The following SPARCL1 variants were observed in gnomAD, a reference collection of about 807,000 sequenced individuals.
SPARCL1 encodes SPARC like 1, also known as SPARC-like protein 1.
Under a neutral mutation model 67.1 loss-of-function variants are expected in SPARCL1, and 52 were observed. The observed-to-expected ratio is 0.78, with a 90% CI of 0.62 to 0.98. SPARCL1 has a LOEUF of 0.98. Ranked by LOEUF, SPARCL1 falls within the 50% of genes least tolerant of loss-of-function variation. SPARCL1 has a pLI of 0.00. For synonymous variants in SPARCL1, 226 were observed against 267.8 expected, an observed-to-expected ratio of 0.84 and a Z score of 1.52; for missense variants, 717 against 782.4, an observed-to-expected ratio of 0.92 and a Z score of 1.00.
intron 2 of SPARCL1, among the ~76,000 whole-genome samples, chr4:87,496,417 C>G (rs1162661696): frequency 6.6e-6 from 1 of 151,934 alleles, no homozygotes; most frequent in African/African-American, 2.4e-5. Flanking sequence ...TGGAGTTTCA[C>G]CATGTTGCCC....
chr4:87,479,630 T>G, intron 9 of SPARCL1, 52 bp from the exon 10 acceptor site: 1 of 1,579,888 alleles, frequency 6.3e-7, no homozygotes, highest in Non-Finnish European at 8.7e-7. Flanking sequence ...TGCATGAAGA[T>G]TTAACTCTCA....
chr4:87,482,279 T>C, intron 8 of SPARCL1, 145 bp downstream of exon 8: 1 of 761,654 alleles, frequency 1.3e-6, no homozygotes, highest in Admixed American at 2.7e-5. Flanking sequence ...CATCTATTAT[T>C]CTGTTAAGCC....
intron 10 of SPARCL1, among the ~76,000 whole-genome samples, chr4:87,474,573 T>G (rs1030858249): frequency 6.6e-6 from 1 of 152,188 alleles, no homozygotes; most frequent in Admixed American, 6.5e-5. Context: ...CAAGATCTCT[T>G]CTGACCTTCA....
chr4:87,482,890 T>C (rs1041563449), intron 7 of SPARCL1, among the ~76,000 whole-genome samples: 2 of 152,120 alleles, frequency 1.3e-5, no homozygotes, highest in African/African-American at 4.8e-5. Context: ...AGTTGAAATT[T>C]GTAGGTGGAG....
At chr4:87,522,556 C>T (rs1035267758) in intron 1 of SPARCL1, among the ~76,000 whole-genome samples, 8 of 151,470 alleles carry the variant, frequency 5.3e-5, no homozygotes, top group Admixed American at 3.3e-4. Flanking sequence ...GGCCACGATC[C>T]CTCTTGCTCC....
intron 1 of SPARCL1, chr4:87,528,743 G>A (rs1004909335): frequency 1.3e-5 from 2 of 152,150 alleles, no homozygotes; most frequent in Non-Finnish European, 1.5e-5. Flanking sequence ...TCAGGATTCA[G>A]GCTTCACTAA....
At chr4:87,494,875 A>G in intron 3 of SPARCL1, 106 bp downstream of exon 3, 1 of 1,105,500 alleles carries the variant, frequency 9.0e-7, no homozygotes, top group African/African-American at 1.6e-5. Flanking sequence ...ATGTTTTAAA[A>G]AAATTAAACT....
At chr4:87,474,420 GC>G (rs1723478397) in intron 10 of SPARCL1, among the ~76,000 whole-genome samples, 2 of 151,670 alleles carry the variant, frequency 1.3e-5, no homozygotes, top group Non-Finnish European at 2.9e-5. Context: ...TTGAGTACTG[GC>G]TTCATATGTA....
chr4:87,479,698 T>A, intron 9 of SPARCL1, 120 bp from the exon 10 acceptor site: 1 of 890,614 alleles, frequency 1.1e-6, no homozygotes, highest in African/African-American at 1.7e-5. Flanking sequence ...ATAAATAGAA[T>A]ACAGATAAAA....
Position 87,526,133 on chromosome 4 carries a change from CTG to C in SPARCL1, c.-12+2910_-12+2911del, listed in dbSNP as rs573109331. On this transcript the variant is annotated intron_variant, in intron 1 of 10. Coordinates refer to ENST00000282470, the MANE Select transcript of SPARCL1 (RefSeq NM_004684.6). ...CAGCAAAGCAGCATTTCTTCTCACT[CTG>C]TGTAATGGCAAGCTGGCATAGAACA... 5.1e-3 allele frequency among the ~76,000 whole-genome samples: 782 copies of C among 152,292 alleles called. 7 individuals are homozygous for C. The highest frequency in any genetic ancestry group is 0.018 in the African/African-American group (761 of 41,560).
chr4:87,480,545 G>C (rs1723776664), intron 8 of SPARCL1, 25 bp from the exon 9 acceptor site: 5 of 1,594,818 alleles, frequency 3.1e-6, no homozygotes, highest in Non-Finnish European at 3.4e-6. Flanking sequence ...GCAGAAGACT[G>C]TCAGAGAATC....
intron 1 of SPARCL1, among the ~76,000 whole-genome samples, chr4:87,519,234 C>T (rs1725707800): frequency 6.6e-6 from 1 of 152,084 alleles, no homozygotes; most frequent in East Asian, 1.9e-4. Flanking sequence ...CCACGCCCGG[C>T]TAATTTTTAT....
intron 2 of SPARCL1, among the ~76,000 whole-genome samples, chr4:87,497,878 C>T (rs953556584): frequency 6.6e-6 from 1 of 152,172 alleles, no homozygotes; most frequent in Admixed American, 6.5e-5. Flanking sequence ...CCTGTGCCTC[C>T]CAAGTAGCTG....
In SPARCL1 at chr4:87,493,611, C is replaced by T. The variant is rs1454165255; in HGVS notation, c.1189G>A (p.Gly397Ser). Residue 397 changes from glycine to serine, a missense_variant, in exon 4 of 11, where the codon GGT (glycine) becomes AGT (serine). Physicochemically the swap from Gly to Ser is moderately conservative, Grantham distance 56 (BLOSUM62 0). Transcript: ENST00000282470. ...REKVHENENI[G>S]TTEPGEHQEA... is the part of the protein sequence containing the mutation. The stretch of plus-strand genomic sequence containing the variant: ...TGGTGCTCTCCAGGCTCAGTGGTAC[C>T]TATATTTTCATTTTCATGTACTTTT... 6.2e-7 allele frequency: 1 copy of T among 1,612,552 alleles called. No individual in the cohort carries two copies. Among genetic ancestry groups the T allele is most frequent in the Non-Finnish European group, 8.5e-7 (1 of 1,179,140 alleles).
intron 7 of SPARCL1, among the ~76,000 whole-genome samples, chr4:87,488,863 C>A (rs986646857): frequency 5.9e-5 from 9 of 152,218 alleles, no homozygotes; most frequent in African/African-American, 2.2e-4. Flanking sequence ...CCAGTCCGAA[C>A]TTCCTAGCAG....
At chr4:87,474,802 G>A (rs1483679041) in intron 10 of SPARCL1, among the ~76,000 whole-genome samples, 1 of 146,116 alleles carries the variant, frequency 6.8e-6, no homozygotes, top group Non-Finnish European at 1.5e-5. Flanking sequence ...GACTGAAGTG[G>A]CGCAGTCTCG....
intron 1 of SPARCL1, 103 bp from the exon 2 acceptor site, chr4:87,499,688 A>G (rs1470572683): frequency 2.4e-6 from 2 of 823,632 alleles, no homozygotes; most frequent in East Asian, 2.7e-5. Flanking sequence ...TCCTTGGCAT[A>G]TAAAAGTGAT....
At chr4:87,510,038 T>C (rs1235324715) in intron 1 of SPARCL1, among the ~76,000 whole-genome samples, 2 of 152,300 alleles carry the variant, frequency 1.3e-5, no homozygotes, top group East Asian at 3.9e-4. Flanking sequence ...CTTTTTTGAG[T>C]TGGTTGTTAA....
In SPARCL1 at chr4:87,490,256, G is replaced by A. The variant is rs1434892438; in HGVS notation, c.1531+17C>T. On this transcript the variant is annotated intron_variant, in intron 7 of 10. Coordinates refer to ENST00000282470, the MANE Select transcript of SPARCL1 (RefSeq NM_004684.6). ...CCCTCTCAGAGATGATGGTTGACAG[G>A]AGGGACATAATCTTACATTTGCAGG... The A allele has an allele frequency of 1.3e-6, 2 of 1,599,720 alleles. No individual in the cohort carries two copies. Among genetic ancestry groups the A allele is most frequent in the Non-Finnish European group, 1.7e-6 (2 of 1,174,336 alleles).
Sources: allele counts gnomAD v4.1 joint callset (sites outside exome capture counted in the v4.1 genomes callset), GRCh38; gene constraint gnomAD v4.1.1; transcripts MANE v1.5; gene names NCBI Gene and HGNC (gene_info 2026-07-23, HGNC 2026-07-21).